LRP1B: variants seen among roughly 807,000 people sequenced by gnomAD.
LRP1B encodes LDL receptor related protein 1B, also known as low-density lipoprotein receptor-related protein 1B.
A neutral mutation model predicts 556.6 loss-of-function variants in LRP1B; 217 were observed. The observed-to-expected ratio is 0.39, with a 90% CI of 0.35 to 0.44. LRP1B has a LOEUF of 0.44. LRP1B is among the 20% of genes least tolerant of loss of function. The pLI, the probability that LRP1B is intolerant of heterozygous loss-of-function variation, is 1.00. For missense variants in LRP1B, 5,053 were observed against 5,620.8 expected (o/e 0.90, Z 3.23); for synonymous variants, 2,047 against 1,865.8 (o/e 1.10, Z -2.50).
At chr2:141,799,213 T>C (rs1410797617) in intron 2 of LRP1B, among the ~76,000 whole-genome samples, 2 of 152,136 alleles carry the variant, frequency 1.3e-5, no homozygotes, top group Non-Finnish European at 2.9e-5. Context: ...CCTCTCTCTT[T>C]TGAATGTGGG....
At chr2:140,942,482 T>C (rs1448518035) in intron 20 of LRP1B, among the ~76,000 whole-genome samples, 1 of 152,044 alleles carries the variant, frequency 6.6e-6, no homozygotes, top group Non-Finnish European at 1.5e-5. Flanking sequence ...TCAAAACACA[T>C]AGTCATCAGA....
In LRP1B at chr2:140,619,572, A is replaced by G. The variant is rs548640683; in HGVS notation, c.6800-17933T>C. On this transcript the variant is annotated intron_variant, in intron 41 of 90. Coordinates refer to ENST00000389484, the MANE Select transcript of LRP1B (RefSeq NM_018557.3). ...AGTGCTATTGCCTGACTGAGTGACC[A>G]AGTGGGAGTCCCCGTATAACCTTGT... Among the ~76,000 whole-genome samples the G allele has an allele frequency of 5.3e-5, 8 of 152,308 alleles. No homozygotes were observed. The South Asian group carries it at 1.0e-3, about 20-fold the overall frequency.
At chr2:140,929,703 G>A (rs1048774923) in intron 20 of LRP1B, among the ~76,000 whole-genome samples, 7 of 147,088 alleles carry the variant, frequency 4.8e-5, no homozygotes, top group African/African-American at 1.5e-4. Flanking sequence ...TTATGTATAT[G>A]CATCTATTTT....
At chr2:141,080,240 G>A (rs1699890858) in intron 7 of LRP1B, among the ~76,000 whole-genome samples, 3 of 152,134 alleles carry the variant, frequency 2.0e-5, no homozygotes, top group Admixed American at 2.0e-4. Context: ...GGCATTTGCT[G>A]TTCATGCCTT....
chr2:140,989,771 A>C, intron 16 of LRP1B, 114 bp from the exon 17 acceptor site: 1 of 971,898 alleles, frequency 1.0e-6, no homozygotes, highest in Non-Finnish European at 1.5e-6. Context: ...AATAAATGTC[A>C]TAGAGTCTGT....
intron 7 of LRP1B, among the ~76,000 whole-genome samples, chr2:141,145,906 TTTTCTTTC>T (rs1220976631): frequency 6.1e-5 from 8 of 131,558 alleles, no homozygotes; most frequent in African/African-American, 1.2e-4. Context: ...CACGTTTTTC[TTTTCTTTC>T]TTTCTTTCTT....
chr2:140,488,828 A>G (rs1435530889), intron 57 of LRP1B, among the ~76,000 whole-genome samples: 1 of 151,978 alleles, frequency 6.6e-6, no homozygotes, highest in Non-Finnish European at 1.5e-5. Flanking sequence ...ATGTATGAGT[A>G]GCTGTAGTCT....
chr2:141,831,969 T>C (rs1508600), intron 1 of LRP1B, among the ~76,000 whole-genome samples: 29,673 of 151,490 alleles, frequency 0.2, 3,142 homozygotes, highest in Admixed American at 0.28. Flanking sequence ...CCTTTCTACA[T>C]TGGAAATTCT....
intron 1 of LRP1B, among the ~76,000 whole-genome samples, chr2:141,934,429 GATAC>G (rs1700581437): frequency 6.6e-6 from 1 of 152,068 alleles, no homozygotes; most frequent in Non-Finnish European, 1.5e-5. Context: ...ATCTGAGGAG[GATAC>G]ATACAAAGAA....
intron 1 of LRP1B, among the ~76,000 whole-genome samples, chr2:142,063,290 T>C (rs1303020962): frequency 6.6e-6 from 1 of 151,576 alleles, no homozygotes; most frequent in Non-Finnish European, 1.5e-5. Flanking sequence ...CTTAATTGTT[T>C]TCTAGACAGA....
intron 18 of LRP1B, among the ~76,000 whole-genome samples, chr2:140,952,245 C>T (rs1695738691): frequency 6.6e-6 from 1 of 152,084 alleles, no homozygotes; most frequent in African/African-American, 2.4e-5. Context: ...CACCAAGGGA[C>T]TCAACATTCA....
chr2:141,314,807 A>AT (rs1265044831), intron 3 of LRP1B, among the ~76,000 whole-genome samples: 5 of 68,392 alleles, frequency 7.3e-5, no homozygotes, highest in East Asian at 9.7e-4. Context: ...AAAAAAAAAA[A>AT]ATTTATATAT....
rs1553528056 is a variant in LRP1B, at chr2:141,524,280, A to ATATATG, written c.206-43748_206-43747insCATATA. 3.4e-3 allele frequency among the ~76,000 whole-genome samples: 512 copies of ATATATG among 151,416 alleles called. 3 individuals carry two copies. The highest frequency in any genetic ancestry group is 0.012 in the African/African-American group (495 of 41,324). ...AAGCAAAGAATATATATATATATATAAAACTCAATGCCTAAGAACATGTTA... is the reference window on the plus strand; with the variant it reads ...AAGCAAAGAATATATATATATATATATATATGAAACTCAATGCCTAAGAACATGTTA... On this transcript the variant is annotated intron_variant, in intron 2 of 90. Transcript: ENST00000389484.
At chr2:140,328,176 G>A (rs1680597274) in intron 79 of LRP1B, among the ~76,000 whole-genome samples, 1 of 151,986 alleles carries the variant, frequency 6.6e-6, no homozygotes, top group Admixed American at 6.6e-5. Context: ...AACAGAGGAA[G>A]ATGAATATTT....
chr2:141,428,570 G>T (rs1360451710), intron 3 of LRP1B, among the ~76,000 whole-genome samples: 1 of 152,136 alleles, frequency 6.6e-6, no homozygotes, highest in Non-Finnish European at 1.5e-5. Flanking sequence ...GCTTCCATCT[G>T]TCCTAACACC....
intron 79 of LRP1B, 84 bp downstream of exon 79, chr2:140,334,369 A>G: frequency 1.2e-6 from 1 of 837,398 alleles, no homozygotes; most frequent in Non-Finnish European, 2.0e-6. Flanking sequence ...AAATACTTAT[A>G]TTGCCAACAA....
chr2:140,935,309 A>G (rs1695170720), intron 20 of LRP1B, among the ~76,000 whole-genome samples: 1 of 152,154 alleles, frequency 6.6e-6, no homozygotes, highest in African/African-American at 2.4e-5. Flanking sequence ...CAAATGAAAT[A>G]CCAAAAGATA....
At chr2:141,834,149 G>T (rs1697194061) in intron 1 of LRP1B, among the ~76,000 whole-genome samples, 1 of 151,784 alleles carries the variant, frequency 6.6e-6, no homozygotes, top group Non-Finnish European at 1.5e-5. Context: ...GGCTGCATTT[G>T]GTATGCTCAC....
chr2:140,279,279 T>C (rs1682817859), intron 84 of LRP1B, among the ~76,000 whole-genome samples: 1 of 151,990 alleles, frequency 6.6e-6, no homozygotes, highest in Non-Finnish European at 1.5e-5. Context: ...GTGTCCTCTG[T>C]TATTTCAAGT....
Sources: allele counts gnomAD v4.1 joint callset (sites outside exome capture counted in the v4.1 genomes callset), GRCh38; gene constraint gnomAD v4.1.1; transcripts MANE v1.5; gene names NCBI Gene and HGNC (gene_info 2026-07-23, HGNC 2026-07-21).